Variants in HDAC9 observed in about 807,000 individuals in gnomAD.
HDAC9 encodes MEF-2 interacting transcription repressor (MITR) protein.
Under a neutral mutation model 139.4 loss-of-function variants are expected in HDAC9, and 41 were observed. The ratio of observed to expected loss-of-function variants is 0.29; its 90% confidence interval spans 0.23 to 0.38. The LOEUF is 0.38. HDAC9 is among the 10% of genes least tolerant of loss of function. The probability of loss-of-function intolerance (pLI) is 1.00; values close to 1 mark genes in which losing one functional copy is unlikely to be tolerated. For synonymous variants in HDAC9, 517 were observed against 476.2 expected, an observed-to-expected ratio of 1.09 and a Z score of -1.12; for missense variants, 1,147 against 1,297.0, an observed-to-expected ratio of 0.88 and a Z score of 1.78.
intron 21 of HDAC9, among the ~76,000 whole-genome samples, chr7:18,848,837 A>G (rs986814440): frequency 1.3e-5 from 2 of 152,242 alleles, no homozygotes; most frequent in African/African-American, 4.8e-5. Flanking sequence ...TTTCTCAACA[A>G]TAAAGAATAT....
intron 12 of HDAC9, among the ~76,000 whole-genome samples, chr7:18,672,464 G>A (rs746321145): frequency 5.9e-5 from 9 of 151,808 alleles, no homozygotes; most frequent in Non-Finnish European, 1.0e-4. Flanking sequence ...GACCTTTATC[G>A]GGTATATAAG....
At position 18,770,589 on chromosome 7, in the gene HDAC9, C is replaced by G. The variant is rs1427675451; in HGVS notation, c.2214+3434C>G. On this transcript the variant is annotated intron_variant, in intron 16 of 25. Coordinates refer to ENST00000686413, the MANE Select transcript of HDAC9 (RefSeq NM_178425.4). Reference sequence around the variant, plus strand: ...GACGAGCAGGCTTTTATGATAATGTCGTCATCAGCTCCCAGCTTCAAACGC... The same window carrying G: ...GACGAGCAGGCTTTTATGATAATGTGGTCATCAGCTCCCAGCTTCAAACGC... Among the ~76,000 whole-genome samples, 3 of 152,236 alleles carry G rather than the reference C, an allele frequency of 2.0e-5. No homozygotes were observed. The South Asian group carries it at 6.2e-4, about 32-fold the overall frequency.
intron 2 of HDAC9, among the ~76,000 whole-genome samples, chr7:18,252,184 T>G (rs1259259087): frequency 6.6e-6 from 1 of 152,170 alleles, no homozygotes; most frequent in Non-Finnish European, 1.5e-5. Context: ...AAATATTTGT[T>G]GCCATCTACA....
chr7:18,417,220 T>C (rs1244034413), intron 1 of HDAC9, among the ~76,000 whole-genome samples: 1 of 152,218 alleles, frequency 6.6e-6, no homozygotes, highest in African/African-American at 2.4e-5. Flanking sequence ...CCGTTTAGCC[T>C]ATCCATTGTA....
chr7:18,168,693 A>G (rs932257169), intron 2 of HDAC9, among the ~76,000 whole-genome samples: 5 of 151,976 alleles, frequency 3.3e-5, no homozygotes, highest in Non-Finnish European at 7.4e-5. Flanking sequence ...ATATCCCCCA[A>G]GGCTTTACTT....
At chr7:18,204,163 A>G (rs1258063259) in intron 2 of HDAC9, among the ~76,000 whole-genome samples, 16 of 151,800 alleles carry the variant, frequency 1.1e-4, no homozygotes, top group Non-Finnish European at 4.4e-5. Flanking sequence ...AATAATATAT[A>G]TTTTTTCTGT....
At position 18,749,132 on chromosome 7, in the gene HDAC9, A is replaced by G; in HGVS notation, c.2037A>G (p.Lys679=). The change falls in exon 14 of 26, where the codon AAA becomes AAG. Residue 679 remains lysine (K), a synonymous_variant. Coordinates refer to ENST00000686413, the MANE Select transcript of HDAC9 (RefSeq NM_178425.4). The part of the protein sequence containing the change: ...SRLQETGLLN[K]CERIQGRKAS... ...TGCAAGAAACTGGGCTGCTAAATAA[A>G]TGTGAGGTAATCCAGAATTGGACAC... 6.2e-7 allele frequency: 1 copy of G among 1,613,582 alleles called. No individual in the cohort carries two copies. Among genetic ancestry groups the G allele is most frequent in the Admixed American group, 1.7e-5 (1 of 59,928 alleles).
intron 1 of HDAC9, among the ~76,000 whole-genome samples, chr7:18,132,108 G>A (rs62449098): frequency 0.15 from 23,154 of 151,960 alleles, 2,217 homozygotes; most frequent in Middle Eastern, 0.21. Flanking sequence ...TCTCTATTGC[G>A]TGTTCATTTA....
chr7:18,679,153 G>T (rs1235821753), intron 12 of HDAC9, among the ~76,000 whole-genome samples: 1 of 151,898 alleles, frequency 6.6e-6, no homozygotes, highest in African/African-American at 2.4e-5. Context: ...TTAGAAGCTA[G>T]TCACTTACTG....
At chr7:18,871,949 G>T (rs1798953612) in intron 21 of HDAC9, among the ~76,000 whole-genome samples, 1 of 152,124 alleles carries the variant, frequency 6.6e-6, no homozygotes, top group Non-Finnish European at 1.5e-5. Flanking sequence ...GACGGTGTTT[G>T]CAACATAGTA....
chr7:18,265,089 C>T (rs1227683665), intron 2 of HDAC9, among the ~76,000 whole-genome samples: 1 of 152,028 alleles, frequency 6.6e-6, no homozygotes, highest in Non-Finnish European at 1.5e-5. Flanking sequence ...TCAATGCTGG[C>T]TGAAGAATGG....
chr7:18,369,543 C>T (rs930900743), intron 1 of HDAC9, among the ~76,000 whole-genome samples: 3 of 151,500 alleles, frequency 2.0e-5, no homozygotes, highest in African/African-American at 7.3e-5. Context: ...CCTGGAAATC[C>T]TGGGAATATT....
At chr7:18,544,582 A>G (rs1814131127) in intron 2 of HDAC9, among the ~76,000 whole-genome samples, 2 of 152,322 alleles carry the variant, frequency 1.3e-5, no homozygotes, top group East Asian at 3.9e-4. Context: ...CTGTGAAGAT[A>G]CAAGTTCTGA....
chr7:18,696,610 G>A (rs566390776), intron 12 of HDAC9, among the ~76,000 whole-genome samples: 8 of 152,000 alleles, frequency 5.3e-5, no homozygotes, highest in African/African-American at 1.4e-4. Flanking sequence ...TGGGACTACA[G>A]ATGCACGTCA....
At chr7:18,153,359 A>G (rs1023608778) in intron 1 of HDAC9, among the ~76,000 whole-genome samples, 3 of 152,146 alleles carry the variant, frequency 2.0e-5, no homozygotes, top group Non-Finnish European at 4.4e-5. Flanking sequence ...TCTGGGGTCA[A>G]ATACCCTCTA....
chr7:18,665,350 A>C (rs2129072448), intron 11 of HDAC9, among the ~76,000 whole-genome samples: 1 of 152,276 alleles, frequency 6.6e-6, no homozygotes, highest in African/African-American at 2.4e-5. Context: ...CCAGTGTGAG[A>C]CAAAATAATC....
intron 22 of HDAC9, among the ~76,000 whole-genome samples, chr7:18,889,807 C>G (rs768490515): frequency 2.0e-5 from 3 of 152,182 alleles, no homozygotes; most frequent in Non-Finnish European, 4.4e-5. Flanking sequence ...AAGTGATCCT[C>G]CCACCTCAGC....
intron 1 of HDAC9, among the ~76,000 whole-genome samples, chr7:18,353,607 G>A (rs1398619636): frequency 6.6e-6 from 1 of 152,298 alleles, no homozygotes; most frequent in East Asian, 1.9e-4. Flanking sequence ...TGAGGTAATT[G>A]AAGGAAATTG....
At chr7:18,358,833 AATTGAGGT>A in intron 1 of HDAC9, among the ~76,000 whole-genome samples, 1 of 152,334 alleles carries the variant, frequency 6.6e-6, no homozygotes, top group Admixed American at 6.5e-5. Flanking sequence ...TGAACTGGAA[AATTGAGGT>A]ATAATAACCA....
Sources: gnomAD v4.1 joint callset for allele counts (sites outside exome capture counted in the v4.1 genomes callset) on GRCh38, gnomAD v4.1.1 for gene constraint, MANE v1.5 for transcripts, NCBI Gene and HGNC (gene_info 2026-07-23, HGNC 2026-07-21) for gene names.